The following FARS2 variants were observed in gnomAD, a reference collection of about 807,000 sequenced individuals.
The protein encoded by FARS2 is phenylalanine--tRNA ligase, mitochondrial.
In FARS2, 40 loss-of-function variants were observed where a neutral mutation model predicts 46.4. The ratio of observed to expected loss-of-function variants is 0.86; its 90% confidence interval spans 0.67 to 1.12. FARS2 has a LOEUF of 1.12. FARS2 is among the 50% of genes most tolerant of loss of function. The pLI, the probability that FARS2 is intolerant of heterozygous loss-of-function variation, is 0.00. For synonymous variants in FARS2, 234 were observed against 214.9 expected, an observed-to-expected ratio of 1.09 and a Z score of -0.78; for missense variants, 513 against 567.9, an observed-to-expected ratio of 0.90 and a Z score of 0.98.
chr6:5,416,147 C>A (rs1762226551), intron 3 of FARS2, among the ~76,000 whole-genome samples: 1 of 152,168 alleles, frequency 6.6e-6, no homozygotes. Flanking sequence ...TTTGATGAAA[C>A]CCAGTTAACC....
chr6:5,280,414 G>C (rs916038153), intron 1 of FARS2, among the ~76,000 whole-genome samples: 3 of 152,168 alleles, frequency 2.0e-5, no homozygotes, highest in Non-Finnish European at 4.4e-5. Context: ...AGGTGATTTA[G>C]AGGGAGAAGG....
chr6:5,701,742 T>C (rs1247580067), intron 6 of FARS2, among the ~76,000 whole-genome samples: 1 of 152,222 alleles, frequency 6.6e-6, no homozygotes, highest in African/African-American at 2.4e-5. Flanking sequence ...GTTAACTTTA[T>C]GTCGACTCTA....
chr6:5,261,021 G>A, upstream of FARS2: 2 of 1,016,624 alleles, frequency 2.0e-6, no homozygotes, highest in Non-Finnish European at 2.4e-6. Flanking sequence ...CCGCCCGGAG[G>A]CTCGGGACCC....
chr6:5,707,658 C>G (rs1758841108), intron 6 of FARS2, among the ~76,000 whole-genome samples: 1 of 152,208 alleles, frequency 6.6e-6, no homozygotes, highest in Non-Finnish European at 1.5e-5. Flanking sequence ...TCTGCCTCCC[C>G]AGGAGGGGAA....
chr6:5,518,651 T>C (rs1189045771), intron 4 of FARS2, among the ~76,000 whole-genome samples: 11 of 152,230 alleles, frequency 7.2e-5, no homozygotes, highest in African/African-American at 2.7e-4. Flanking sequence ...ATTGATTCCA[T>C]CAAGGGTCAC....
intron 6 of FARS2, among the ~76,000 whole-genome samples, chr6:5,619,477 A>G (rs904831953): frequency 6.6e-6 from 1 of 152,100 alleles, no homozygotes; most frequent in Admixed American, 6.5e-5. Context: ...GAGTCTGTGC[A>G]CTGTCAGTCA....
chr6:5,388,801 A>G (rs112542505), intron 2 of FARS2, among the ~76,000 whole-genome samples: 3,648 of 151,954 alleles, frequency 0.024, 130 homozygotes, highest in African/African-American at 0.083. Flanking sequence ...ATTTTCTCCA[A>G]GTGCCTTTTT....
At chr6:5,718,565 C>T (rs1166972461) in intron 6 of FARS2, among the ~76,000 whole-genome samples, 1 of 152,198 alleles carries the variant, frequency 6.6e-6, no homozygotes, top group African/African-American at 2.4e-5. Context: ...ACACAAGAGA[C>T]ATTTGAAATA....
intron 1 of FARS2, among the ~76,000 whole-genome samples, chr6:5,324,476 G>T (rs1333211045): frequency 3.3e-5 from 4 of 121,446 alleles, no homozygotes; most frequent in Non-Finnish European, 3.3e-5. Context: ...TAACCAAGAC[G>T]TTGGTTACAA....
chr6:5,770,006 A>G (rs1762952574), intron 6 of FARS2, among the ~76,000 whole-genome samples: 2 of 152,290 alleles, frequency 1.3e-5, no homozygotes, highest in Admixed American at 1.3e-4. Flanking sequence ...GCAGACTCTC[A>G]TGCACCAGGC....
chr6:5,425,748 T>C (rs1648722933), intron 3 of FARS2, among the ~76,000 whole-genome samples: 1 of 152,208 alleles, frequency 6.6e-6, no homozygotes, highest in African/African-American at 2.4e-5. Context: ...CCCACTTGAG[T>C]GATTGCTTCT....
intron 2 of FARS2, among the ~76,000 whole-genome samples, chr6:5,380,132 C>A (rs1469191): frequency 0.041 from 6,296 of 152,228 alleles, 421 homozygotes; most frequent in African/African-American, 0.14. Context: ...GGAAAGCTCT[C>A]TAGTTATTCG....
intron 4 of FARS2, among the ~76,000 whole-genome samples, chr6:5,472,199 G>A (rs1396193838): frequency 6.6e-6 from 1 of 152,192 alleles, no homozygotes; most frequent in Admixed American, 6.5e-5. Context: ...TGCTTCTGGA[G>A]CCTGTGGGCC....
intron 4 of FARS2, among the ~76,000 whole-genome samples, chr6:5,543,375 T>TG (rs1241314426): frequency 1.4e-4 from 14 of 101,518 alleles, no homozygotes; most frequent in South Asian, 5.1e-4. Context: ...TTGTTGGTGG[T>TG]GGTTTTTTTT....
At chr6:5,371,097 T>G in intron 2 of FARS2, 1 of 590,980 alleles carries the variant, frequency 1.7e-6, no homozygotes, top group Non-Finnish European at 2.1e-6. Context: ...TTTTTCTGTA[T>G]TCTGCTTTTT....
intron 6 of FARS2, among the ~76,000 whole-genome samples, chr6:5,713,501 G>A (rs1405056432): frequency 2.0e-5 from 3 of 152,226 alleles, no homozygotes; most frequent in East Asian, 1.9e-4. Context: ...GTCTGGAGAC[G>A]TTGACGCTTA....
chr6:5,536,290 CAA>C (rs1253473324), intron 4 of FARS2, among the ~76,000 whole-genome samples: 1 of 152,158 alleles, frequency 6.6e-6, no homozygotes, highest in African/African-American at 2.4e-5. Context: ...CTCGGCCTCC[CAA>C]AGTGCTGGGA....
At chr6:5,694,339 C>T (rs1399787083) in intron 6 of FARS2, among the ~76,000 whole-genome samples, 1 of 152,228 alleles carries the variant, frequency 6.6e-6, no homozygotes, top group Non-Finnish European at 1.5e-5. Flanking sequence ...AAAAAAGCTA[C>T]TGCCACTCTG....
intron 1 of FARS2, among the ~76,000 whole-genome samples, chr6:5,364,387 G>C (rs1373952520): frequency 1.3e-5 from 2 of 152,098 alleles, no homozygotes; most frequent in Non-Finnish European, 2.9e-5. Context: ...CTGGCCTATT[G>C]CCCATTATAT....
Sources: gnomAD v4.1 joint callset for allele counts (sites outside exome capture counted in the v4.1 genomes callset) on GRCh38, gnomAD v4.1.1 for gene constraint, MANE v1.5 for transcripts, NCBI Gene and HGNC (gene_info 2026-07-23, HGNC 2026-07-21) for gene names.